Variants in GEMIN7 observed in about 807,000 individuals in gnomAD.
The protein encoded by GEMIN7 is gem-associated protein 7.
In GEMIN7, 7 loss-of-function variants were observed where a neutral mutation model predicts 7.8. The ratio of observed to expected loss-of-function variants is 0.90; its 90% CI spans 0.51 to 1.69. The LOEUF is 1.69. GEMIN7 is among the 40% of genes most tolerant of loss of function. The probability of loss-of-function intolerance (pLI) is 0.00; values close to 1 mark genes in which losing one functional copy is unlikely to be tolerated. For synonymous variants in GEMIN7, 68 were observed against 72.4 expected, an observed-to-expected ratio of 0.94 and a Z score of 0.31; for missense variants, 159 against 176.2, an observed-to-expected ratio of 0.90 and a Z score of 0.55.
chr19:45,078,250 C>T (rs779059577), upstream of GEMIN7, among the ~76,000 whole-genome samples: 23 of 151,924 alleles, frequency 1.5e-4, no homozygotes, highest in Non-Finnish European at 3.1e-4. Flanking sequence ...TACAGATGCC[C>T]GGCTAATTTT....
intron 2 of GEMIN7, among the ~76,000 whole-genome samples, chr19:45,084,641 TATCTC>T (rs1967618210): frequency 6.6e-6 from 1 of 152,048 alleles, no homozygotes; most frequent in Non-Finnish European, 1.5e-5. Flanking sequence ...AGTGGCACAA[TATCTC>T]AGCTCACTGC....
chr19:45,079,657 G>A (rs1015602862), intron 1 of GEMIN7, among the ~76,000 whole-genome samples: 8 of 152,220 alleles, frequency 5.3e-5, no homozygotes, highest in African/African-American at 1.7e-4. Context: ...GGGCGGTGTG[G>A]GGAGTGGACG....
intron 2 of GEMIN7, among the ~76,000 whole-genome samples, chr19:45,089,219 G>A (rs1967809812): frequency 6.6e-6 from 1 of 152,048 alleles, no homozygotes; most frequent in Non-Finnish European, 1.5e-5. Context: ...TGGGATTACA[G>A]GTGTGAGCCA....
chr19:45,081,831 G>A (rs943601640), intron 2 of GEMIN7, among the ~76,000 whole-genome samples: 1 of 152,056 alleles, frequency 6.6e-6, no homozygotes, highest in Non-Finnish European at 1.5e-5. Flanking sequence ...TCACCATGTT[G>A]ACCAGGCTGG....
chr19:45,076,775 C>A, upstream of GEMIN7: 1 of 179,064 alleles, frequency 5.6e-6, no homozygotes, highest in Non-Finnish European at 1.2e-5. This position sits in a 1 kb window ranked among gnomAD's most constrained non-coding sequence, Gnocchi z 4.9. Context: ...TTATTAGGTG[C>A]CTGATAGTAA....
intron 2 of GEMIN7, among the ~76,000 whole-genome samples, chr19:45,088,002 G>A (rs1182873838): frequency 1.4e-5 from 2 of 143,028 alleles, no homozygotes; most frequent in Non-Finnish European, 3.0e-5. Flanking sequence ...CTGGAGTACT[G>A]TGGCACAATC....
At chr19:45,087,166 T>C (rs6509191) in intron 2 of GEMIN7, among the ~76,000 whole-genome samples, 100,257 of 151,034 alleles carry the variant, frequency 0.66, 33,912 homozygotes, top group African/African-American at 0.75. Flanking sequence ...GTTTTTGAGA[T>C]AGAGTATTGC....
At chr19:45,087,664 G>A (rs1967741827) in intron 2 of GEMIN7, among the ~76,000 whole-genome samples, 1 of 152,146 alleles carries the variant, frequency 6.6e-6, no homozygotes, top group Admixed American at 6.5e-5. Flanking sequence ...AGCAAGCGTG[G>A]TACACCACGA....
At chr19:45,087,672 C>T (rs568111633) in intron 2 of GEMIN7, among the ~76,000 whole-genome samples, 3 of 152,164 alleles carry the variant, frequency 2.0e-5, no homozygotes, top group Admixed American at 1.3e-4. Flanking sequence ...TGGTACACCA[C>T]GAGGGTGCCG....
chr19:45,089,406 T>C (rs1301938777), intron 2 of GEMIN7, among the ~76,000 whole-genome samples: 1 of 152,226 alleles, frequency 6.6e-6, no homozygotes, highest in African/African-American at 2.4e-5. Context: ...ACTATCATTA[T>C]TGTATTGTTC....
intron 2 of GEMIN7, among the ~76,000 whole-genome samples, chr19:45,084,948 T>C (rs1003334306): frequency 2.0e-5 from 3 of 152,212 alleles, no homozygotes; most frequent in Non-Finnish European, 2.9e-5. Flanking sequence ...TAATTTTGTA[T>C]TTTTAGTAGA....
chr19:45,085,802 C>A (rs1467035470), intron 2 of GEMIN7, among the ~76,000 whole-genome samples: 1 of 149,580 alleles, frequency 6.7e-6, no homozygotes, highest in Admixed American at 6.6e-5. Flanking sequence ...CAAAAAGTAG[C>A]TGGGCATGGT....
intron 2 of GEMIN7, 137 bp from the exon 3 acceptor site, chr19:45,089,969 AT>A: frequency 1.2e-6 from 1 of 866,684 alleles, no homozygotes. Flanking sequence ...GATGGCACAG[AT>A]TTTAGGAGGG....
intron 2 of GEMIN7, among the ~76,000 whole-genome samples, chr19:45,083,101 C>A (rs990604833): frequency 6.6e-6 from 1 of 152,100 alleles, no homozygotes; most frequent in African/African-American, 2.4e-5. Context: ...GGTTCGCAGA[C>A]CTCTGCTACG....
intron 2 of GEMIN7, among the ~76,000 whole-genome samples, chr19:45,087,913 A>ATG (rs896564916): frequency 4.0e-5 from 6 of 150,060 alleles, no homozygotes; most frequent in Admixed American, 1.3e-4. Context: ...ATAAATAAAT[A>ATG]TGTGTGTGTG....
At chr19:45,081,123 G>A (rs1430645646) in intron 2 of GEMIN7, among the ~76,000 whole-genome samples, 1 of 152,142 alleles carries the variant, frequency 6.6e-6, no homozygotes, top group Non-Finnish European at 1.5e-5. Context: ...GCAATACAGC[G>A]AGACCTCACC....
At chr19:45,083,181 C>T (rs1967559115) in intron 2 of GEMIN7, among the ~76,000 whole-genome samples, 1 of 152,208 alleles carries the variant, frequency 6.6e-6, no homozygotes, top group South Asian at 2.1e-4. Flanking sequence ...CGCGGTAGCT[C>T]ACGCCTGTAA....
chr19:45,078,107 T>TC (rs1967393403), upstream of GEMIN7, among the ~76,000 whole-genome samples: 1 of 147,656 alleles, frequency 6.8e-6, no homozygotes, highest in African/African-American at 2.5e-5. Flanking sequence ...CTTTTTTTTT[T>TC]TTTTTTTTTT....
At chr19:45,086,641 C>A (rs1276545880) in intron 2 of GEMIN7, among the ~76,000 whole-genome samples, 1 of 152,130 alleles carries the variant, frequency 6.6e-6, no homozygotes, top group African/African-American at 2.4e-5. Context: ...CCAGGTCACA[C>A]AGCAATACTA....
Sources: gnomAD v4.1 joint callset for allele counts (sites outside exome capture counted in the v4.1 genomes callset) on GRCh38, gnomAD v4.1.1 for gene constraint, Gnocchi (gnomAD v3.1) non-coding constraint, MANE v1.5 for transcripts, NCBI Gene and HGNC (gene_info 2026-07-23, HGNC 2026-07-21) for gene names.